The following WWOX variants were observed in gnomAD, a reference collection of about 807,000 sequenced individuals.
WWOX encodes WW domain-containing oxidoreductase.
A neutral mutation model predicts 46.2 loss-of-function variants in WWOX; 69 were observed. That is an observed-to-expected ratio of 1.49 (90% CI 1.23 to 1.82). The LOEUF (loss-of-function observed/expected upper bound fraction) is 1.82, where lower values mean the gene tolerates loss of function less well. Ranked by LOEUF, WWOX falls within the 40% of genes most tolerant of loss-of-function variation. WWOX has a pLI of 0.00. For synonymous variants in WWOX, 359 were observed against 202.6 expected, an observed-to-expected ratio of 1.77 and a Z score of -6.56; for missense variants, 919 against 542.6, an observed-to-expected ratio of 1.69 and a Z score of -6.89.
chr16:79,211,943 C>G lies in WWOX; in HGVS notation c.*147C>G, dbSNP rs1179757460. ...GAGCAGTCACAACAGAGTGAAAAAT[C>G]TTAAGTACCAATGGGAAGCAGGGAA... On this transcript the variant is annotated 3_prime_UTR_variant, in exon 9 of 9. Transcript: ENST00000566780. The G allele has an allele frequency of 5.9e-6, 9 of 1,537,400 alleles. No homozygotes were observed. Among genetic ancestry groups the G allele is most frequent in the Non-Finnish European group, 7.8e-6 (9 of 1,147,100 alleles).
intron 8 of WWOX, among the ~76,000 whole-genome samples, chr16:78,660,445 G>C (rs969681943): frequency 6.6e-6 from 1 of 152,116 alleles, no homozygotes; most frequent in African/African-American, 2.4e-5. Context: ...TCATTTTTCA[G>C]TTGCCAGTGG....
chr16:78,887,063 ATGTGTGTGTGTGTGGTGTG>A (rs1353495140), intron 8 of WWOX, among the ~76,000 whole-genome samples: 2 of 30,970 alleles, frequency 6.5e-5, no homozygotes, highest in African/African-American at 1.2e-4. Context: ...GTCTGGCTAT[ATGTGTGTGTGTGTGGTGTG>A]TGTGTGTGTG....
At chr16:79,093,036 C>G (rs2048996141) in intron 8 of WWOX, among the ~76,000 whole-genome samples, 2 of 152,210 alleles carry the variant, frequency 1.3e-5, no homozygotes, top group Admixed American at 1.3e-4. Flanking sequence ...TTTTGCACCA[C>G]TACTTTTTAC....
chr16:79,069,739 A>T (rs113264787), intron 8 of WWOX, among the ~76,000 whole-genome samples: 1 of 152,176 alleles, frequency 6.6e-6, no homozygotes, highest in Non-Finnish European at 1.5e-5. Context: ...TAGATGGCCA[A>T]TGTCTGTGTT....
intron 8 of WWOX, among the ~76,000 whole-genome samples, chr16:79,070,185 T>C (rs561244883): frequency 8.5e-5 from 13 of 152,222 alleles, no homozygotes; most frequent in African/African-American, 2.6e-4. Flanking sequence ...GTGCCTAATG[T>C]TTATAAAACT....
chr16:78,846,850 C>G (rs973404290), intron 8 of WWOX, among the ~76,000 whole-genome samples: 2 of 152,140 alleles, frequency 1.3e-5, no homozygotes, highest in African/African-American at 4.8e-5. Flanking sequence ...GTCATGCCTT[C>G]TATTTTTTGG....
intron 8 of WWOX, among the ~76,000 whole-genome samples, chr16:78,771,906 A>T (rs755823024): frequency 6.6e-6 from 1 of 152,228 alleles, no homozygotes; most frequent in African/African-American, 2.4e-5. Flanking sequence ...TGTTACATAC[A>T]TTGTACTACA....
intron 8 of WWOX, among the ~76,000 whole-genome samples, chr16:78,808,099 C>T (rs905561124): frequency 6.6e-6 from 1 of 152,200 alleles, no homozygotes; most frequent in African/African-American, 2.4e-5. Flanking sequence ...TCTCCTAGGG[C>T]CTAGGCCCAA....
At chr16:79,013,947 G>A (rs1036168774) in intron 8 of WWOX, among the ~76,000 whole-genome samples, 5 of 152,158 alleles carry the variant, frequency 3.3e-5, no homozygotes, top group Non-Finnish European at 7.3e-5. Context: ...CCCCAGAGAG[G>A]AAGAGAGGAT....
intron 5 of WWOX, among the ~76,000 whole-genome samples, chr16:78,212,736 T>G (rs1014550182): frequency 1.3e-5 from 2 of 152,200 alleles, no homozygotes; most frequent in African/African-American, 2.4e-5. Flanking sequence ...TGATAACTCA[T>G]GAACAGTCTG....
At chr16:78,612,325 A>G (rs967227534) in intron 8 of WWOX, among the ~76,000 whole-genome samples, 2 of 152,358 alleles carry the variant, frequency 1.3e-5, no homozygotes, top group South Asian at 2.1e-4. Flanking sequence ...AAGGTAGACA[A>G]GCTCTTTGTG....
chr16:78,316,410 G>C (rs868539006), intron 5 of WWOX, among the ~76,000 whole-genome samples: 38 of 152,190 alleles, frequency 2.5e-4, no homozygotes, highest in African/African-American at 8.9e-4. Context: ...GCGTGATCTT[G>C]GCTCACTGCA....
intron 8 of WWOX, among the ~76,000 whole-genome samples, chr16:79,030,338 T>G (rs566128645): frequency 6.6e-6 from 1 of 152,378 alleles, no homozygotes; most frequent in South Asian, 2.1e-4. Context: ...TGAAAAGGAA[T>G]CTGACAAATT....
intron 3 of WWOX, among the ~76,000 whole-genome samples, chr16:78,112,255 T>G (rs1026760307): frequency 2.0e-5 from 3 of 152,214 alleles, no homozygotes; most frequent in African/African-American, 7.2e-5. Flanking sequence ...TCACTGTAGT[T>G]GATTGAACCA....
At chr16:78,670,090 C>A (rs2047424380) in intron 8 of WWOX, among the ~76,000 whole-genome samples, 1 of 152,038 alleles carries the variant, frequency 6.6e-6, no homozygotes, top group Admixed American at 6.5e-5. Context: ...CCCGGCCGCC[C>A]CCGGAAGCTC....
intron 8 of WWOX, among the ~76,000 whole-genome samples, chr16:79,152,686 A>C (rs543736581): frequency 9.9e-5 from 15 of 151,876 alleles, no homozygotes; most frequent in South Asian, 2.1e-4. Context: ...AAAAAAAAAA[A>C]AACAAAAACC....
chr16:78,923,617 A>T (rs868523563), intron 8 of WWOX, among the ~76,000 whole-genome samples: 6 of 151,764 alleles, frequency 4.0e-5, no homozygotes, highest in African/African-American at 1.2e-4. Context: ...GGGTGGGGGG[A>T]TATTTCACTC....
chr16:78,946,584 C>G (rs770630765), intron 8 of WWOX, among the ~76,000 whole-genome samples: 2 of 152,194 alleles, frequency 1.3e-5, no homozygotes, highest in Non-Finnish European at 2.9e-5. Flanking sequence ...GAAGAAACAT[C>G]AGAGTTCACC....
intron 5 of WWOX, among the ~76,000 whole-genome samples, chr16:78,189,676 T>G (rs1010538537): frequency 1.3e-5 from 2 of 152,222 alleles, no homozygotes; most frequent in East Asian, 1.9e-4. Context: ...TATTTTTGAG[T>G]TGGAGTCTTG....
Sources: allele counts gnomAD v4.1 joint callset (sites outside exome capture counted in the v4.1 genomes callset), GRCh38; gene constraint gnomAD v4.1.1; transcripts MANE v1.5; gene names NCBI Gene and HGNC (gene_info 2026-07-23, HGNC 2026-07-21).